The following DAP3 variants were observed in gnomAD, a reference collection of about 807,000 sequenced individuals.
DAP3 encodes death associated protein 3.
In DAP3, 28 loss-of-function variants were observed where a neutral mutation model predicts 51.9. The observed-to-expected ratio is 0.54, with a 90% CI of 0.40 to 0.74. The LOEUF (loss-of-function observed/expected upper bound fraction) is 0.74. Ranked by LOEUF, DAP3 falls within the 30% of genes least tolerant of loss-of-function variation. The pLI, the probability that DAP3 is intolerant of heterozygous loss-of-function variation, is 0.00. For missense variants in DAP3, 458 were observed against 483.5 expected (o/e 0.95, Z 0.49); for synonymous variants, 170 against 170.3 (o/e 1.00, Z 0.01).
chr1:155,721,846 G>A, intron 4 of DAP3: 1 of 527,800 alleles, frequency 1.9e-6, no homozygotes, highest in East Asian at 2.8e-5. Flanking sequence ...AGTAATTTCA[G>A]CATCAAATAA....
intron 2 of DAP3, chr1:155,710,049 A>C (rs1656503200): frequency 2.4e-6 from 1 of 418,164 alleles, no homozygotes; most frequent in Non-Finnish European, 4.2e-6. Flanking sequence ...TATTAACTTT[A>C]TTTCTCTAGC....
At chr1:155,735,046 C>T (rs1402050766) in intron 11 of DAP3, among the ~76,000 whole-genome samples, 2 of 144,926 alleles carry the variant, frequency 1.4e-5, no homozygotes, top group Non-Finnish European at 3.0e-5. Context: ...GGGCAGATCA[C>T]GAGGTCAGGA....
intron 3 of DAP3, 89 bp downstream of exon 3, chr1:155,717,217 A>C (rs899175904): frequency 3.5e-5 from 55 of 1,566,086 alleles, no homozygotes; most frequent in East Asian, 1.8e-4. Context: ...AAACTGAAAG[A>C]AGCTTAGTAG....
At chr1:155,721,976 T>C in intron 4 of DAP3, 1 of 334,526 alleles carries the variant, frequency 3.0e-6, no homozygotes. Flanking sequence ...TTTGATTAGA[T>C]GCATTGGTTT....
Position 155,727,682 on chromosome 1 carries a change from G to C in DAP3, c.547G>C (p.Glu183Gln), listed in dbSNP as rs1327083426. ...YNKQRFDQPL[E>Q]ASTWLKNFKT... ...CAAACAGCGCTTTGATCAACCTTTA[G>C]AGGCTTCAACCTGGCTGAAGAATTT... Residue 183 changes from glutamate to glutamine, a missense_variant, in exon 7 of 13, where the codon GAG becomes CAG. Glu to Gln is a conservative substitution (Grantham distance 29). Coordinates refer to ENST00000368336, the MANE Select transcript of DAP3 (RefSeq NM_004632.4). 1 of 1,613,780 alleles carries C rather than the reference G, an allele frequency of 6.2e-7. No homozygotes were observed. The highest frequency in any genetic ancestry group is 2.2e-5 in the East Asian group (1 of 44,866).
intron 8 of DAP3, 31 bp downstream of exon 8, chr1:155,729,153 G>A: frequency 6.2e-7 from 1 of 1,614,124 alleles, no homozygotes; most frequent in Non-Finnish European, 8.5e-7. Flanking sequence ...TGTGTAACAT[G>A]CGATAACAAG....
intron 10 of DAP3, 112 bp from the exon 11 acceptor site, chr1:155,731,832 C>A: frequency 9.1e-7 from 1 of 1,098,752 alleles, no homozygotes; most frequent in Non-Finnish European, 1.3e-6. Context: ...TGCTAGACCA[C>A]ACTTTTGTAA....
chr1:155,718,789 C>A (rs821551), intron 3 of DAP3, among the ~76,000 whole-genome samples: 79,343 of 151,628 alleles, frequency 0.52, 24,914 homozygotes, highest in African/African-American at 0.88. Context: ...CCATTCACCT[C>A]TTTTCACAAA....
At chr1:155,732,089 A>G (rs999756719) in intron 11 of DAP3, 56 bp downstream of exon 11, 6 of 1,419,168 alleles carry the variant, frequency 4.2e-6, no homozygotes, top group Non-Finnish European at 5.7e-6. Context: ...TTAAAGAAAA[A>G]TATTTTTATT....
chr1:155,728,898 C>A, intron 7 of DAP3, 144 bp from the exon 8 acceptor site: 3 of 678,948 alleles, frequency 4.4e-6, no homozygotes, highest in Non-Finnish European at 4.9e-6. Flanking sequence ...GCATTCACTT[C>A]TACATTGAGG....
At chr1:155,722,694 G>C (rs1557787941) in intron 4 of DAP3, among the ~76,000 whole-genome samples, 2 of 152,160 alleles carry the variant, frequency 1.3e-5, no homozygotes, top group African/African-American at 4.8e-5. Context: ...AGCTGCTTCG[G>C]AGGCTGAGGC....
chr1:155,730,648 A>G (rs1659146917), intron 9 of DAP3, among the ~76,000 whole-genome samples: 1 of 152,178 alleles, frequency 6.6e-6, no homozygotes, highest in African/African-American at 2.4e-5. Context: ...GATAAACAGT[A>G]AAATGGAATC....
chr1:155,700,182 G>A lies in DAP3; in HGVS notation c.-7-9591G>A, dbSNP rs185872130. On this transcript the variant is annotated intron_variant, in intron 1 of 12. Transcript: ENST00000368336. ...AATCTCTTGACTTCATGATCTGCCC[G>A]CCTTGGCCTCCCAAAGTGCTGGGAT... Among the ~76,000 whole-genome samples, 82 of 152,248 alleles carry A rather than the reference G, an allele frequency of 5.4e-4. No homozygotes were observed. The East Asian group carries it at 0.012, about 22-fold the overall frequency.
intron 12 of DAP3, 101 bp from the exon 13 acceptor site, chr1:155,738,054 CAG>C: frequency 1.8e-6 from 2 of 1,082,480 alleles, no homozygotes; most frequent in African/African-American, 1.6e-5. Flanking sequence ...ATAATTACCT[CAG>C]AACGTAATTT....
At chr1:155,715,780 T>A (rs1243103256) in intron 2 of DAP3, among the ~76,000 whole-genome samples, 1 of 152,178 alleles carries the variant, frequency 6.6e-6, no homozygotes, top group Non-Finnish European at 1.5e-5. Flanking sequence ...TCTACCGAAA[T>A]CCGCCCCCTT....
upstream of DAP3, chr1:155,688,708 C>T (rs1488301107): frequency 6.6e-6 from 10 of 1,522,176 alleles, no homozygotes; most frequent in Middle Eastern, 1.9e-4. Flanking sequence ...CTCTCCTCCC[C>T]CTCCCTCCCC....
At chr1:155,732,211 GTCTT>G (rs1179354421) in intron 11 of DAP3, 178 bp downstream of exon 11, 1 of 449,990 alleles carries the variant, frequency 2.2e-6, no homozygotes, top group African/African-American at 2.1e-5. Flanking sequence ...ATCCGTCTCC[GTCTT>G]TCTCCAGAGT....
chr1:155,715,477 G>A (rs1363556649), intron 2 of DAP3, among the ~76,000 whole-genome samples: 4 of 151,968 alleles, frequency 2.6e-5, no homozygotes, highest in South Asian at 4.2e-4. Context: ...TGCCGTGATC[G>A]TGCCACTGCA....
chr1:155,729,004 C>A, intron 7 of DAP3, 38 bp from the exon 8 acceptor site: 1 of 1,606,688 alleles, frequency 6.2e-7, no homozygotes, highest in Non-Finnish European at 8.5e-7. Flanking sequence ...GGCCAAGTAG[C>A]CTTTTTTTTG....
Sources: gnomAD v4.1 joint callset for allele counts (sites outside exome capture counted in the v4.1 genomes callset) on GRCh38, gnomAD v4.1.1 for gene constraint, MANE v1.5 for transcripts, NCBI Gene and HGNC (gene_info 2026-07-23, HGNC 2026-07-21) for gene names.